The following SLCO1B1 variants were observed in gnomAD, a reference collection of about 807,000 sequenced individuals.
The protein encoded by SLCO1B1 is OATP-2.
A neutral mutation model predicts 70.1 loss-of-function variants in SLCO1B1; 81 were observed. The observed-to-expected ratio is 1.16, with a 90% CI of 0.97 to 1.39. SLCO1B1 has a LOEUF of 1.39. Among genes scored for constraint, SLCO1B1 ranks in the 40% most tolerant of loss-of-function variants. The pLI is 0.00. For synonymous variants in SLCO1B1, 283 were observed against 271.5 expected, an observed-to-expected ratio of 1.04 and a Z score of -0.42; for missense variants, 895 against 799.6, an observed-to-expected ratio of 1.12 and a Z score of -1.44.
At chr12:21,141,253 G>A (rs1940303301) in intron 1 of SLCO1B1, among the ~76,000 whole-genome samples, 1 of 144,916 alleles carries the variant, frequency 6.9e-6, no homozygotes, top group Admixed American at 6.9e-5. Context: ...TCTGGTGTGT[G>A]ATTCTATATT....
intron 7 of SLCO1B1, among the ~76,000 whole-genome samples, 192 bp downstream of exon 7, chr12:21,179,212 A>T: frequency 6.6e-6 from 1 of 152,316 alleles, no homozygotes; most frequent in Admixed American, 6.5e-5. Flanking sequence ...TACTATCTTT[A>T]TAACTAAGTG....
chr12:21,194,349 G>A (rs968192897), intron 7 of SLCO1B1, among the ~76,000 whole-genome samples: 8 of 152,092 alleles, frequency 5.3e-5, no homozygotes, highest in Non-Finnish European at 1.2e-4. Context: ...TAACAGAGGT[G>A]AGACTAGTGA....
intron 7 of SLCO1B1, among the ~76,000 whole-genome samples, chr12:21,189,541 A>G (rs1941004731): frequency 6.6e-6 from 1 of 151,760 alleles, no homozygotes; most frequent in Non-Finnish European, 1.5e-5. Context: ...TCTGCCTGCC[A>G]GGTTCCAGTG....
intron 10 of SLCO1B1, among the ~76,000 whole-genome samples, chr12:21,203,130 A>G (rs1338078423): frequency 6.6e-6 from 1 of 152,136 alleles, no homozygotes. Flanking sequence ...AAGTGACTAA[A>G]CAACTTTTAT....
chr12:21,148,668 T>C (rs189341764), intron 2 of SLCO1B1, among the ~76,000 whole-genome samples: 1 of 151,762 alleles, frequency 6.6e-6, no homozygotes, highest in Admixed American at 6.6e-5. Flanking sequence ...TTGTTCTTTT[T>C]GCTTAGGATT....
chr12:21,200,595 T>C lies in SLCO1B1; in HGVS notation c.1058T>C (p.Ile353Thr), dbSNP rs55901008. 12 of 1,612,224 alleles carry C rather than the reference T, an allele frequency of 7.4e-6. No individual in the cohort carries two copies. In the Admixed American group the frequency reaches 1.3e-4, roughly 18 times the overall value. Residue 353 changes from isoleucine to threonine, a missense_variant, in exon 9 of 15, where the codon ATT (isoleucine) becomes ACT (threonine). By Grantham distance (89) the Ile-to-Thr change is moderately conservative. Transcript: ENST00000256958. ...ACGTTGTTACAAGTAAGCAGCTATA[T>C]TGGTGCTTTTACTTATGTCTTCAAA... ...LLTLLQVSSYIGAFTYVFKYV... is the reference protein window; with the variant it reads ...LLTLLQVSSYTGAFTYVFKYV...
In SLCO1B1 at chr12:21,138,724, A is replaced by G. The variant is rs1267323599; in HGVS notation, c.-61-2790A>G. Among the ~76,000 whole-genome samples the G allele has an allele frequency of 3.3e-5, 5 of 151,832 alleles. No individual in the cohort carries two copies. The East Asian group carries it at 5.8e-4, about 18-fold the overall frequency. On this transcript the variant is annotated intron_variant, in intron 1 of 14. Coordinates refer to ENST00000256958, the MANE Select transcript of SLCO1B1 (RefSeq NM_006446.5). ...TGGGAGATATTATCAACAGGTGGTA[A>G]GTATAAAAATATTGAAGAGGTACAA...
intron 8 of SLCO1B1, among the ~76,000 whole-genome samples, chr12:21,198,417 T>C (rs1345942212): frequency 4.6e-5 from 7 of 152,130 alleles, no homozygotes; most frequent in Non-Finnish European, 1.0e-4. Flanking sequence ...TCATTTTGTA[T>C]ATGATGTTTC....
rs113337893 is a variant in SLCO1B1, at chr12:21,144,231, T to A, written c.84+2573T>A. Among the ~76,000 whole-genome samples, 14 of 152,180 alleles carry A rather than the reference T, an allele frequency of 9.2e-5. 1 individual carries two copies. Among genetic ancestry groups the A allele is most frequent in the Admixed American group, 3.3e-4 (5 of 15,262 alleles). ...AGTCATTTTAAGAAAGAACCAAAATTAACTTCTGAAATTAAATATTTTACT... is the reference window on the plus strand; with the variant it reads ...AGTCATTTTAAGAAAGAACCAAAATAAACTTCTGAAATTAAATATTTTACT... On this transcript the variant is annotated intron_variant, in intron 2 of 14. Coordinates refer to ENST00000256958, the MANE Select transcript of SLCO1B1 (RefSeq NM_006446.5).
intron 11 of SLCO1B1, among the ~76,000 whole-genome samples, chr12:21,213,347 A>G (rs1941312920): frequency 6.6e-6 from 1 of 151,958 alleles, no homozygotes; most frequent in South Asian, 2.1e-4. Flanking sequence ...TGGATATGAA[A>G]TTCTGGGTTG....
At chr12:21,169,044 A>C (rs1000893652) in intron 2 of SLCO1B1, among the ~76,000 whole-genome samples, 10 of 152,226 alleles carry the variant, frequency 6.6e-5, no homozygotes, top group Admixed American at 5.9e-4. Context: ...TTTTGCATAT[A>C]GTATAGGGTA....
chr12:21,134,127 G>T (rs1371308566), intron 1 of SLCO1B1, among the ~76,000 whole-genome samples: 3 of 152,118 alleles, frequency 2.0e-5, no homozygotes, highest in Non-Finnish European at 4.4e-5. Flanking sequence ...TTATATGCTG[G>T]ATTACATTTA....
At chr12:21,209,286 C>T (rs1451409759) in intron 11 of SLCO1B1, among the ~76,000 whole-genome samples, 3 of 151,748 alleles carry the variant, frequency 2.0e-5, no homozygotes, top group African/African-American at 4.8e-5. Flanking sequence ...TCAATTCCCA[C>T]CTATGAGTGA....
At chr12:21,165,965 T>C (rs2121086760) in intron 2 of SLCO1B1, among the ~76,000 whole-genome samples, 1 of 151,714 alleles carries the variant, frequency 6.6e-6, no homozygotes, top group East Asian at 1.9e-4. Flanking sequence ...ATCCGCAAAC[T>C]TGAAGATAAG....
chr12:21,205,817 C>G, intron 10 of SLCO1B1, 51 bp from the exon 11 acceptor site: 1 of 1,386,774 alleles, frequency 7.2e-7, no homozygotes, highest in Non-Finnish European at 1.0e-6. Context: ...CCTTCTTTGT[C>G]TTTTTCTTCT....
intron 2 of SLCO1B1, 148 bp downstream of exon 2, chr12:21,141,806 C>A: frequency 1.8e-6 from 1 of 557,966 alleles, no homozygotes; most frequent in South Asian, 2.2e-5. Flanking sequence ...TGATTCATAC[C>A]TTGATTTAAA....
chr12:21,145,332 C>T (rs1940365798), intron 2 of SLCO1B1, among the ~76,000 whole-genome samples: 1 of 151,896 alleles, frequency 6.6e-6, no homozygotes, highest in African/African-American at 2.4e-5. Context: ...TTTTTTGAGA[C>T]AGGGCCTCTG....
At position 21,200,686 on chromosome 12, in the gene SLCO1B1, T is replaced by G. The variant is rs140270687; in HGVS notation, c.1135+14T>G. 6.6e-5 allele frequency: 106 copies of G among 1,607,468 alleles called. No individual in the cohort carries two copies. In the East Asian group the frequency reaches 2.2e-3, roughly 33 times the overall value. Reference sequence around the variant, plus strand: ...ACATCTTATTGGGTAAGACATATTTTTTACTTGTGTGCTTAATAAGTGAAA... The same window carrying G: ...ACATCTTATTGGGTAAGACATATTTGTTACTTGTGTGCTTAATAAGTGAAA... On this transcript the variant is annotated intron_variant, in intron 9 of 14. Transcript: ENST00000256958.
At chr12:21,163,481 T>C (rs1314795614) in intron 2 of SLCO1B1, among the ~76,000 whole-genome samples, 1 of 152,214 alleles carries the variant, frequency 6.6e-6, no homozygotes, top group Non-Finnish European at 1.5e-5. Context: ...GTAATTAACT[T>C]TGTTGGCTTG....
Sources: gnomAD v4.1 joint callset for allele counts (sites outside exome capture counted in the v4.1 genomes callset) on GRCh38, gnomAD v4.1.1 for gene constraint, MANE v1.5 for transcripts, NCBI Gene and HGNC (gene_info 2026-07-23, HGNC 2026-07-21) for gene names.